The following MALRD1 variants were observed in gnomAD, a reference collection of about 807,000 sequenced individuals.
The protein encoded by MALRD1 is MAM and LDL receptor class A domain containing 1, also known as MAM and LDL-receptor class A domain-containing protein 1.
In MALRD1, 247 loss-of-function variants were observed where a neutral mutation model predicts 242.1. That is an observed-to-expected ratio of 1.02 (90% CI 0.92 to 1.13). The LOEUF (loss-of-function observed/expected upper bound fraction) is 1.13. Ranked by LOEUF, MALRD1 falls within the 50% of genes most tolerant of loss-of-function variation. The probability of loss-of-function intolerance (pLI) is 0.00; values close to 1 mark genes in which losing one functional copy is unlikely to be tolerated. For missense variants in MALRD1, 2,989 were observed against 2,533.1 expected (o/e 1.18, Z -3.86); for synonymous variants, 995 against 866.6 (o/e 1.15, Z -2.60).
At chr10:19,054,050 A>T (rs953350974) in intron 1 of MALRD1, among the ~76,000 whole-genome samples, 3 of 152,048 alleles carry the variant, frequency 2.0e-5, no homozygotes, top group Non-Finnish European at 4.4e-5. Context: ...CTCTTTTAGG[A>T]CCTATTAACA....
At chr10:19,521,391 C>CA (rs1412458832) in intron 31 of MALRD1, among the ~76,000 whole-genome samples, 6 of 151,690 alleles carry the variant, frequency 4.0e-5, no homozygotes, top group African/African-American at 9.7e-5. Context: ...TGATCTTAAC[C>CA]AAAAAAAGAC....
intron 14 of MALRD1, among the ~76,000 whole-genome samples, chr10:19,191,972 AGCCTGGG>A (rs1835994607): frequency 6.6e-6 from 1 of 152,154 alleles, no homozygotes; most frequent in South Asian, 2.1e-4. Context: ...ACTGCACTCC[AGCCTGGG>A]CAATAGAGCA....
intron 1 of MALRD1, among the ~76,000 whole-genome samples, chr10:19,064,004 A>T (rs1202616454): frequency 6.6e-6 from 1 of 152,096 alleles, no homozygotes; most frequent in African/African-American, 2.4e-5. Context: ...TATCGTGTTA[A>T]AGATCAAAAC....
chr10:19,501,847 C>T lies in MALRD1; in HGVS notation c.5320+3201C>T, dbSNP rs1057423730. On this transcript the variant is annotated intron_variant, in intron 31 of 39. Transcript: ENST00000454679. ...AGCAGTTCGAGACCAGCCTGGGCAA[C>T]ATAGTGAAACCCCATCTCTACAAAA... 5.3e-5 allele frequency among the ~76,000 whole-genome samples: 8 copies of T among 151,360 alleles called. No homozygotes were observed. In the South Asian group the frequency reaches 6.3e-4, roughly 12 times the overall value.
At chr10:19,588,863 G>A (rs1318337331) in intron 33 of MALRD1, among the ~76,000 whole-genome samples, 1 of 152,096 alleles carries the variant, frequency 6.6e-6, no homozygotes, top group Non-Finnish European at 1.5e-5. Flanking sequence ...GGCTGATCTT[G>A]AACTGTTGAC....
rs181559009 is a variant in MALRD1 at position 19,219,975 on chromosome 10, T to A, written c.2991+10295T>A. On this transcript the variant is annotated intron_variant, in intron 18 of 39. Coordinates refer to ENST00000454679, the MANE Select transcript of MALRD1 (RefSeq NM_001142308.3). Reference sequence around the variant, plus strand: ...CTACTGTATTTGTTATCATAGATGGTCCTTGGATGGCAGCCTTAAACAATT... The same window carrying A: ...CTACTGTATTTGTTATCATAGATGGACCTTGGATGGCAGCCTTAAACAATT... Among the ~76,000 whole-genome samples, 658 of 152,292 alleles carry A rather than the reference T, an allele frequency of 4.3e-3. 8 individuals are homozygous for A. Among genetic ancestry groups the A allele is most frequent in the African/African-American group, 0.015 (622 of 41,574 alleles).
At chr10:19,580,327 C>G (rs970516483) in intron 33 of MALRD1, among the ~76,000 whole-genome samples, 2 of 152,156 alleles carry the variant, frequency 1.3e-5, no homozygotes, top group Admixed American at 6.5e-5. Flanking sequence ...AAAGCGATAA[C>G]TCTTTTGGGG....
intron 36 of MALRD1, among the ~76,000 whole-genome samples, chr10:19,642,082 C>T (rs774543615): frequency 6.6e-6 from 1 of 152,112 alleles, no homozygotes; most frequent in Non-Finnish European, 1.5e-5. Flanking sequence ...CAACCCCAAA[C>T]TAAATTTATT....
intron 14 of MALRD1, among the ~76,000 whole-genome samples, chr10:19,195,721 A>G (rs527261261): frequency 1.1e-3 from 164 of 152,224 alleles, no homozygotes; most frequent in African/African-American, 3.6e-3. Flanking sequence ...CAGTCCACAA[A>G]GCATAGCTGA....
At chr10:19,718,658 A>G (rs1187846293) in intron 38 of MALRD1, among the ~76,000 whole-genome samples, 2 of 152,202 alleles carry the variant, frequency 1.3e-5, no homozygotes, top group African/African-American at 2.4e-5. Flanking sequence ...CTGTACCACT[A>G]AACATTCTTT....
chr10:19,237,404 C>T (rs1332906090), intron 18 of MALRD1, among the ~76,000 whole-genome samples: 1 of 148,980 alleles, frequency 6.7e-6, no homozygotes, highest in Non-Finnish European at 1.5e-5. Context: ...CTTTCTGTGT[C>T]TGGCTTATTT....
chr10:19,589,317 C>T (rs1837628549), intron 33 of MALRD1, among the ~76,000 whole-genome samples: 1 of 152,084 alleles, frequency 6.6e-6, no homozygotes, highest in Admixed American at 6.5e-5. Flanking sequence ...GTATATATAG[C>T]TGTGACTCCA....
At chr10:19,580,469 A>T (rs1837058790) in intron 33 of MALRD1, among the ~76,000 whole-genome samples, 1 of 152,090 alleles carries the variant, frequency 6.6e-6, no homozygotes, top group Admixed American at 6.5e-5. Context: ...TTTCCTCTGA[A>T]TGACATCGCC....
At chr10:19,263,190 A>G (rs1315890604) in intron 19 of MALRD1, among the ~76,000 whole-genome samples, 3 of 152,170 alleles carry the variant, frequency 2.0e-5, no homozygotes, top group Non-Finnish European at 2.9e-5. Flanking sequence ...GTGGATAGTT[A>G]CATTTTAAAT....
At chr10:19,616,362 G>GGGT (rs1839157120) in intron 36 of MALRD1, among the ~76,000 whole-genome samples, 1 of 151,922 alleles carries the variant, frequency 6.6e-6, no homozygotes, top group Non-Finnish European at 1.5e-5. Context: ...TTTATGCAGT[G>GGGT]GGTATTTATA....
At position 19,205,260 on chromosome 10, in the gene MALRD1, A is replaced by C. The variant is rs1170404200; in HGVS notation, c.2573A>C (p.Asn858Thr). Residue 858 changes from asparagine (N) to threonine (T), a missense_variant, in exon 17 of 40, where the codon AAC becomes ACC. Physicochemically the swap from Asn to Thr is moderately conservative, Grantham distance 65 (BLOSUM62 0). Transcript: ENST00000454679. ...DDCGDRTDEV[N>T]CAPELQCNFE... ...TGTGGTGATCGTACTGATGAAGTCA[A>C]CTGTGGTAAGTTCTTTTTGGTTGGG... The C allele has an allele frequency of 1.6e-5, 25 of 1,543,286 alleles. No homozygotes were observed. Among genetic ancestry groups the C allele is most frequent in the Non-Finnish European group, 1.8e-5 (21 of 1,143,372 alleles).
intron 18 of MALRD1, 27 bp downstream of exon 18, chr10:19,209,707 C>A: frequency 6.7e-7 from 1 of 1,491,426 alleles, no homozygotes; most frequent in East Asian, 2.5e-5. Context: ...TTATAATGTA[C>A]ATTTGAAATG....
intron 28 of MALRD1, among the ~76,000 whole-genome samples, chr10:19,434,839 T>C (rs1834286484): frequency 6.6e-6 from 1 of 151,892 alleles, no homozygotes; most frequent in Non-Finnish European, 1.5e-5. Context: ...AGGATTCCTA[T>C]ATGGTCCTGA....
intron 30 of MALRD1, among the ~76,000 whole-genome samples, chr10:19,495,228 C>G (rs534488401): frequency 6.6e-6 from 1 of 151,996 alleles, no homozygotes; most frequent in Non-Finnish European, 1.5e-5. Flanking sequence ...CTGCCTGCCT[C>G]GGCCTCCCAG....
Sources: allele counts gnomAD v4.1 joint callset (sites outside exome capture counted in the v4.1 genomes callset), GRCh38; gene constraint gnomAD v4.1.1; transcripts MANE v1.5; gene names NCBI Gene and HGNC (gene_info 2026-07-23, HGNC 2026-07-21).